DNAH17: variants seen among roughly 807,000 people sequenced by gnomAD.
DNAH17 encodes axonemal beta dynein heavy chain 17.
In DNAH17, 376 loss-of-function variants were observed where a neutral mutation model predicts 485.6. The ratio of observed to expected loss-of-function variants is 0.77; its 90% CI spans 0.71 to 0.84. DNAH17 has a LOEUF of 0.84. Among genes scored for constraint, DNAH17 ranks in the 40% least tolerant of loss-of-function variants. The probability of loss-of-function intolerance (pLI) is 0.00; values close to 1 mark genes in which losing one functional copy is unlikely to be tolerated. For missense variants in DNAH17, 6,370 were observed against 5,839.3 expected, an observed-to-expected ratio of 1.09 and a Z score of -2.96; for synonymous variants, 3,031 against 2,405.9, an observed-to-expected ratio of 1.26 and a Z score of -7.60.
At chr17:78,435,920 C>T (rs574377893) in intron 74 of DNAH17, among the ~76,000 whole-genome samples, 73 of 152,266 alleles carry the variant, frequency 4.8e-4, no homozygotes, top group Middle Eastern at 3.4e-3. Flanking sequence ...GTTAATAGAA[C>T]GGGGGACCTA....
chr17:78,502,474 C>T (rs2090332027), intron 33 of DNAH17, 117 bp downstream of exon 33: 4 of 1,010,452 alleles, frequency 4.0e-6, no homozygotes, highest in Admixed American at 3.0e-5. Context: ...GGCTCAGCCT[C>T]CGAGAAGAAG....
At chr17:78,563,482 A>G (rs2092202254) in intron 11 of DNAH17, among the ~76,000 whole-genome samples, 1 of 143,892 alleles carries the variant, frequency 6.9e-6, no homozygotes, top group South Asian at 2.2e-4. Context: ...GAAAAATAGA[A>G]AAAAACCCCA....
At chr17:78,544,782 C>T (rs1384226755) in intron 16 of DNAH17, among the ~76,000 whole-genome samples, 1 of 86,348 alleles carries the variant, frequency 1.2e-5, no homozygotes, top group Non-Finnish European at 2.2e-5. Flanking sequence ...GCCTGGGGCA[C>T]AGAGCGAGAC....
intron 13 of DNAH17, among the ~76,000 whole-genome samples, chr17:78,559,120 C>A (rs1287308499): frequency 2.6e-5 from 4 of 152,338 alleles, no homozygotes; most frequent in Non-Finnish European, 4.4e-5. Context: ...CTGCCTTGAC[C>A]AGCCAGCCCA....
rs1009010038 is a variant in DNAH17, at chr17:78,426,850, G to A, written c.12771+76C>T. On this transcript the variant is annotated intron_variant, in intron 78 of 80. Transcript: ENST00000389840. ...CTGATCCGGGGCCTGTGCTAGGCCT[G>A]GGTTGCCAGAGGCCTGGGTTTCTGC... is the stretch of plus-strand genomic sequence containing the variant. The A allele has an allele frequency of 2.0e-6, 3 of 1,519,100 alleles. No individual in the cohort carries two copies. In the African/African-American group the frequency reaches 4.1e-5, roughly 21 times the overall value. 94.1% of individuals were successfully genotyped at this position (1,519,100 alleles called of 1,614,324 possible).
At position 78,494,710 on chromosome 17, in the gene DNAH17, C is replaced by G. The variant is rs756735576; in HGVS notation, c.6153G>C (p.Leu2051=). 1.2e-6 allele frequency: 2 copies of G among 1,613,914 alleles called. No homozygotes were observed. Among genetic ancestry groups the G allele is most frequent in the East Asian group, 4.5e-5 (2 of 44,886 alleles). ...RAEDQVLMRA[L]RDFNIPKIVT... ...CAATCTTGGGGATGTTGAAGTCTCT[C>G]AGCGCCCGCATGAGCACCTGGTCCT... The change falls in exon 40 of 81, where the codon CTG becomes CTC. Residue 2051 remains leucine, a synonymous_variant. Coordinates refer to ENST00000389840, the MANE Select transcript of DNAH17 (RefSeq NM_173628.4).
At chr17:78,459,369 TGC>T (rs1318273682) in intron 60 of DNAH17, among the ~76,000 whole-genome samples, 161 bp from the exon 61 acceptor site, 3 of 152,206 alleles carry the variant, frequency 2.0e-5, no homozygotes, top group African/African-American at 7.2e-5. Flanking sequence ...CCACCGGCTC[TGC>T]TCTCCCACTC....
chr17:78,526,253 G>A (rs2091067981), intron 24 of DNAH17, among the ~76,000 whole-genome samples: 1 of 152,222 alleles, frequency 6.6e-6, no homozygotes, highest in Non-Finnish European at 1.5e-5. Flanking sequence ...AGAGGCAGGA[G>A]GCAGGGAGAG....
At chr17:78,504,502 C>T (rs76948299) in intron 31 of DNAH17, among the ~76,000 whole-genome samples, 3 of 151,014 alleles carry the variant, frequency 2.0e-5, no homozygotes, top group Admixed American at 6.6e-5. Flanking sequence ...ACCCCATCCA[C>T]GTAGAGCAGG....
At position 78,485,760 on chromosome 17, in the gene DNAH17, GGGGCA is replaced by G; in HGVS notation, c.7276-8_7276-4del. On this transcript the variant is annotated splice_region_variant and splice_polypyrimidine_tract_variant and intron_variant, in intron 46 of 80. Coordinates refer to ENST00000389840, the MANE Select transcript of DNAH17 (RefSeq NM_173628.4). ...TCCGTGGTGTGGACCAAAGAGGCCT[GGGGCA>G]GGGGAGGGAAGGGGAGGGAGCTGTG... is the stretch of plus-strand genomic sequence containing the variant. 2 of 1,608,598 alleles carry G rather than the reference GGGGCA, an allele frequency of 1.2e-6. No homozygotes were observed. The highest frequency in any genetic ancestry group is 1.7e-6 in the Non-Finnish European group (2 of 1,179,448).
chr17:78,544,226 G>A (rs2091687355), intron 16 of DNAH17, among the ~76,000 whole-genome samples: 3 of 152,192 alleles, frequency 2.0e-5, no homozygotes, highest in African/African-American at 7.2e-5. Flanking sequence ...CCAGGGCCTA[G>A]GGGAACCACA....
Position 78,507,665 on chromosome 17 carries a change from C to T in DNAH17, c.4377G>A (p.Leu1459=). The T allele has an allele frequency of 6.2e-7, 1 of 1,613,604 alleles. No individual in the cohort carries two copies. The highest frequency in any genetic ancestry group is 1.1e-5 in the South Asian group (1 of 91,074). The change falls in exon 28 of 81, where the codon CTG becomes CTA. Residue 1459 remains leucine, a synonymous_variant. Coordinates refer to ENST00000389840, the MANE Select transcript of DNAH17 (RefSeq NM_173628.4). The stretch of plus-strand genomic sequence containing the variant: ...AGTGGGCCAGGTACTTGGACATCAT[C>T]AGGTTCTGCAGCTGCACCTGGTTGT... ...LEDNQVQLQN[L]MMSKYLAHFL... is the part of the protein sequence containing the mutation.
chr17:78,515,515 AAT>A (rs1488836169), intron 25 of DNAH17, among the ~76,000 whole-genome samples: 3 of 142,602 alleles, frequency 2.1e-5, no homozygotes, highest in East Asian at 2.2e-4. Context: ...TCTCAAAAAA[AAT>A]AAATAAAAAT....
intron 45 of DNAH17, 36 bp downstream of exon 45, chr17:78,486,188 C>T (rs879034482): frequency 1.9e-6 from 3 of 1,593,328 alleles, no homozygotes; most frequent in Non-Finnish European, 2.6e-6. Context: ...TGCTGAGAGA[C>T]CCTGTGTGGG....
intron 24 of DNAH17, 90 bp downstream of exon 24, chr17:78,526,561 G>A (rs1272211936): frequency 5.3e-5 from 62 of 1,177,472 alleles, no homozygotes; most frequent in South Asian, 7.6e-5. Flanking sequence ...CGGAGACCAC[G>A]TTTCTGGACT....
intron 6 of DNAH17, 48 bp downstream of exon 6, chr17:78,570,900 A>C (rs183723551): frequency 4.3e-4 from 462 of 1,074,866 alleles, no homozygotes; most frequent in Admixed American, 9.9e-4. Flanking sequence ...AGAAAAGAAA[A>C]GAAACAAGAC....
intron 9 of DNAH17, among the ~76,000 whole-genome samples, chr17:78,568,758 ATTTTTAAG>A (rs930740361): frequency 6.6e-6 from 1 of 152,128 alleles, no homozygotes; most frequent in Non-Finnish European, 1.5e-5. Context: ...GCCATGCACC[ATTTTTAAG>A]TTTTTATCTG....
rs534466963 is a variant in DNAH17 at position 78,459,979 on chromosome 17, G to C, written c.9458C>G (p.Ser3153Cys). 2 of 1,612,946 alleles carry C rather than the reference G, an allele frequency of 1.2e-6. No individual in the cohort carries two copies. The highest frequency in any genetic ancestry group is 4.5e-5 in the East Asian group (2 of 44,904). The change falls in exon 60 of 81, where the codon TCC becomes TGC. Residue 3153 changes from serine to cysteine, a missense_variant. Physicochemically the swap from Ser to Cys is moderately radical, Grantham distance 112. Coordinates refer to ENST00000389840, the MANE Select transcript of DNAH17 (RefSeq NM_173628.4). ...CACAGCATCCGGCGGGGACCCAAAG[G>C]ACTTCAGCTCTGTCAGGTTGTTCTG... ...LNKNNLTELK[S>C]FGSPPDAVVN...
chr17:78,484,739 A>ACCCCCCAGGCCCCCCCCCCCCCCCCC, intron 48 of DNAH17, 129 bp downstream of exon 48: 1 of 347,794 alleles, frequency 2.9e-6, no homozygotes, highest in East Asian at 6.2e-5. Flanking sequence ...ACGTTGCAGC[A>ACCCCCCAGGCCCCCCCCCCCCCCCCC]CCCCCCCCAC....
Sources: gnomAD v4.1 joint callset for allele counts (sites outside exome capture counted in the v4.1 genomes callset) on GRCh38, gnomAD v4.1.1 for gene constraint, MANE v1.5 for transcripts, NCBI Gene and HGNC (gene_info 2026-07-23, HGNC 2026-07-21) for gene names.